CAMTA2: variants seen among roughly 807,000 people sequenced by gnomAD.
The protein encoded by CAMTA2 is calmodulin binding transcription activator 2.
Under a neutral mutation model 135.7 loss-of-function variants are expected in CAMTA2, and 56 were observed. That is an observed-to-expected ratio of 0.41 (90% CI 0.33 to 0.52). The LOEUF (loss-of-function observed/expected upper bound fraction) is 0.52, where lower values mean the gene tolerates loss of function less well. Among genes scored for constraint, CAMTA2 ranks in the 20% least tolerant of loss-of-function variants. The pLI is 0.16. For missense variants in CAMTA2, 1,358 were observed against 1,553.4 expected, an observed-to-expected ratio of 0.87 and a Z score of 2.11; for synonymous variants, 591 against 604.6, an observed-to-expected ratio of 0.98 and a Z score of 0.33.
At position 4,980,517 on chromosome 17, in the gene CAMTA2, G is replaced by C; in HGVS notation, c.805C>G (p.Pro269Ala). 6.2e-7 allele frequency: 1 copy of C among 1,612,436 alleles called. No individual in the cohort carries two copies. Among genetic ancestry groups the C allele is most frequent in the South Asian group, 1.1e-5 (1 of 91,042 alleles). Residue 269 changes from proline to alanine, a missense_variant, in exon 9 of 23, where the codon CCC becomes GCC. Physicochemically the swap from Pro to Ala is conservative, Grantham distance 27. Coordinates refer to ENST00000348066, the MANE Select transcript of CAMTA2 (RefSeq NM_015099.4). The surrounding 1 kb of genome is among the most constrained non-coding windows in gnomAD (Gnocchi z 5.3). ...LTLTSIPHAH[P>A]PEPPPLIAPL... ...GCTATCAGTGGAGGAGGCTCTGGGG[G>C]GTGAGCGTGGGGGATAGAGGTCAGG...
intron 13 of CAMTA2, 83 bp from the exon 14 acceptor site, chr17:4,973,336 G>A (rs943665768): frequency 7.8e-6 from 9 of 1,148,304 alleles, no homozygotes; most frequent in Non-Finnish European, 9.2e-6. Context: ...AAGGCACTAG[G>A]AGGCAAGCTG....
chr17:4,980,428 T>G lies in CAMTA2; in HGVS notation c.894A>C (p.Ser298=). The G allele has an allele frequency of 6.2e-7, 1 of 1,606,002 alleles. No individual in the cohort carries two copies. The highest frequency in any genetic ancestry group is 1.1e-5 in the South Asian group (1 of 90,900). Residue 298 remains serine, a synonymous_variant, in exon 9 of 23, where the codon TCA becomes TCC. Coordinates refer to ENST00000348066, the MANE Select transcript of CAMTA2 (RefSeq NM_015099.4). The surrounding 1 kb of genome is among the most constrained non-coding windows in gnomAD (Gnocchi z 5.3). ...TTTCTAGGGGCTCTGCAAAACCTGA[T>G]GAGGAGGAAGAAGAGGAAGAAGATG... ...TSPSSSSSSS[S]SGFAEPLEIR...
rs561936044 is a variant in CAMTA2, at chr17:4,984,617, A to C, written c.135+1263T>G. Among the ~76,000 whole-genome samples, 48 of 152,372 alleles carry C rather than the reference A, an allele frequency of 3.2e-4. No homozygotes were observed. The South Asian group carries it at 7.5e-3, about 24-fold the overall frequency. On this transcript the variant is annotated intron_variant, in intron 3 of 22. Coordinates refer to ENST00000348066, the MANE Select transcript of CAMTA2 (RefSeq NM_015099.4). ...AGTCCTCTTCTGACATCAAATTGAT[A>C]AATATCAACAACCAACTACATACAA... is the stretch of plus-strand genomic sequence containing the variant.
At position 4,980,714 on chromosome 17, in the gene CAMTA2, T is replaced by C. The variant is rs1355183435; in HGVS notation, c.701-93A>G. 8 of 983,296 alleles carry C rather than the reference T, an allele frequency of 8.1e-6. No individual in the cohort carries two copies. Among genetic ancestry groups the C allele is most frequent in the Non-Finnish European group, 1.3e-5 (8 of 629,710 alleles). 60.9% of individuals were successfully genotyped at this position (983,296 alleles called of 1,614,324 possible). ...GCCCTTAAAAGTATTTCCTGGGACG[T>C]CCCTATAAACCAGAGGTGTAATACT... On this transcript the variant is annotated intron_variant, in intron 8 of 22. Transcript: ENST00000348066. This position sits in a 1 kb window ranked among gnomAD's most constrained non-coding sequence, Gnocchi z 5.3.
rs1478240658 is a variant in CAMTA2, at chr17:4,968,064, A to T, written c.*692T>A. ...ATGCACAAGTAGAAAGTGCCCGTGG[A>T]GCCGGCAGGAGGCCCCCGCCGCGCT... On this transcript the variant is annotated 3_prime_UTR_variant, in exon 23 of 23. Coordinates refer to ENST00000348066, the MANE Select transcript of CAMTA2 (RefSeq NM_015099.4). 2 of 514,330 alleles carry T rather than the reference A, an allele frequency of 3.9e-6. No homozygotes were observed. The highest frequency in any genetic ancestry group is 3.8e-5 in the African/African-American group (2 of 51,954). 31.9% of individuals were successfully genotyped at this position (514,330 alleles called of 1,614,324 possible).
At chr17:4,975,856 G>A (rs1364216547) in intron 11 of CAMTA2, among the ~76,000 whole-genome samples, 1 of 143,706 alleles carries the variant, frequency 7.0e-6, no homozygotes, top group African/African-American at 2.6e-5. Flanking sequence ...AAGGCCACAA[G>A]AGAGAGAACC....
chr17:4,980,575 G>A lies in CAMTA2; in HGVS notation c.747C>T (p.Ile249=). The change falls in exon 9 of 23, where the codon ATC becomes ATT. Residue 249 remains isoleucine (I), a synonymous_variant. Coordinates refer to ENST00000348066, the MANE Select transcript of CAMTA2 (RefSeq NM_015099.4). This position sits in a 1 kb window ranked among gnomAD's most constrained non-coding sequence, Gnocchi z 5.3. The stretch of plus-strand genomic sequence containing the variant: ...CTCGGGGCTCCACTTTGGGAGAGAT[G>A]ATGCGGTGTTTCGTGCTGCTGCATT... ...THKCSSTKHR[I]ISPKVEPRAL... is the part of the protein sequence containing the mutation. The A allele has an allele frequency of 6.2e-7, 1 of 1,614,036 alleles. No homozygotes were observed. Among genetic ancestry groups the A allele is most frequent in the Non-Finnish European group, 8.5e-7 (1 of 1,179,982 alleles).
rs1000008477 is a variant in CAMTA2, at chr17:4,982,968, T to G, written c.203+8A>C. The G allele has an allele frequency of 6.2e-7, 1 of 1,614,164 alleles. No individual in the cohort carries two copies. The highest frequency in any genetic ancestry group is 8.5e-7 in the Non-Finnish European group (1 of 1,180,018). On this transcript the variant is annotated splice_region_variant and intron_variant, in intron 4 of 22. Coordinates refer to ENST00000348066, the MANE Select transcript of CAMTA2 (RefSeq NM_015099.4). ...CTGCCACTCCCCCATGTTCTCAAAC[T>G]TTCTCACCTTGTCTTTGGGGCACAA...
rs1973277051 is a variant in CAMTA2, at chr17:4,986,239, G to A, written c.-17C>T. The A allele has an allele frequency of 6.2e-7, 1 of 1,608,006 alleles. No individual in the cohort carries two copies. Among genetic ancestry groups the A allele is most frequent in the South Asian group, 1.1e-5 (1 of 90,928 alleles). ...GGTATTCATGGTGAGGGCTCCAGGG[G>A]GCAAGGTCACCCCCGGCCTGAGGGG... On this transcript the variant is annotated 5_prime_UTR_variant, in exon 2 of 23. Coordinates refer to ENST00000348066, the MANE Select transcript of CAMTA2 (RefSeq NM_015099.4).
intron 1 of CAMTA2, chr17:4,986,805 C>T (rs1973358614): frequency 7.7e-6 from 5 of 649,162 alleles, no homozygotes; most frequent in Admixed American, 2.6e-5. Context: ...CCTATTCTCT[C>T]CTCCAGGTTG....
Position 4,973,745 on chromosome 17 carries a change from C to T in CAMTA2, c.2041G>A (p.Glu681Lys), listed in dbSNP as rs1263808467. The change falls in exon 13 of 23, where the codon GAA becomes AAA. Residue 681 changes from glutamate to lysine, a missense_variant. Transcript: ENST00000348066. Reference sequence around the variant, plus strand: ...TCTACCAAGACCACTACCCGTGCTTCGAACCCAGGCCCCTGGCCTTCATCC... The same window carrying T: ...TCTACCAAGACCACTACCCGTGCTTTGAACCCAGGCCCCTGGCCTTCATCC... ...VQDEGQGPGFEARVVVLVESM... is the reference protein window; with the variant it reads ...VQDEGQGPGFKARVVVLVESM... 6.8e-6 allele frequency: 11 copies of T among 1,611,402 alleles called. No individual in the cohort carries two copies. Among genetic ancestry groups the T allele is most frequent in the Admixed American group, 1.7e-5 (1 of 59,802 alleles).
chr17:4,976,536 C>T (rs566249645), intron 11 of CAMTA2, among the ~76,000 whole-genome samples: 3 of 152,044 alleles, frequency 2.0e-5, no homozygotes, highest in African/African-American at 7.2e-5. Context: ...CTCATCTCTA[C>T]TAAAATCACA....
Position 4,980,554 on chromosome 17 carries a change from G to A in CAMTA2, c.768C>T (p.Pro256=). Residue 256 remains proline, a synonymous_variant, in exon 9 of 23, where the codon CCC becomes CCT. Coordinates refer to ENST00000348066, the MANE Select transcript of CAMTA2 (RefSeq NM_015099.4). The surrounding 1 kb of genome is among the most constrained non-coding windows in gnomAD (Gnocchi z 5.3). ...KHRIISPKVE[P]RALTLTSIPH... The stretch of plus-strand genomic sequence containing the variant: ...GGATAGAGGTCAGGGTTAAAGCTCG[G>A]GGCTCCACTTTGGGAGAGATGATGC... The A allele has an allele frequency of 6.2e-7, 1 of 1,614,000 alleles. No individual in the cohort carries two copies. Among genetic ancestry groups the A allele is most frequent in the East Asian group, 2.2e-5 (1 of 44,878 alleles).
intron 13 of CAMTA2, 123 bp downstream of exon 13, chr17:4,973,462 C>G: frequency 9.5e-7 from 1 of 1,051,302 alleles, no homozygotes; most frequent in Non-Finnish European, 1.4e-6. Context: ...TCCCAACCCC[C>G]TCCCTTCCCA....
rs770198721 is a variant in CAMTA2 at position 4,974,480 on chromosome 17, T to G, written c.1921A>C (p.Ile641Leu). Residue 641 changes from isoleucine (I) to leucine (L), a missense_variant, in exon 12 of 23, where the codon ATA becomes CTA. Physicochemically the swap from Ile to Leu is conservative, Grantham distance 5 (BLOSUM62 2). Around this residue, in one of 4 missense-constraint regions of CAMTA2, gnomAD observed 1,077 missense variants for 1,127.5 expected, o/e 0.96. Coordinates refer to ENST00000348066, the MANE Select transcript of CAMTA2 (RefSeq NM_015099.4). The stretch of plus-strand genomic sequence containing the variant: ...TCCATCTGCTCCAGTCGCTCTAGTA[T>G]GGACATCCGGAACTGGTTGTCTGAG... The part of the protein sequence containing the change: ...SLDDNQFRMS[I>L]LERLEQMEKR... 1 of 1,613,764 alleles carries G rather than the reference T, an allele frequency of 6.2e-7. No homozygotes were observed. The highest frequency in any genetic ancestry group is 8.5e-7 in the Non-Finnish European group (1 of 1,179,690).
intron 16 of CAMTA2, 58 bp downstream of exon 16, chr17:4,972,174 G>T (rs775989350): frequency 3.6e-6 from 5 of 1,407,786 alleles, no homozygotes; most frequent in Admixed American, 2.0e-5. Context: ...CATGGAAGTC[G>T]GCCTCACCCT....
chr17:4,981,665 C>T lies in CAMTA2; in HGVS notation c.565+13G>A, dbSNP rs769094433. On this transcript the variant is annotated intron_variant, in intron 7 of 22. Coordinates refer to ENST00000348066, the MANE Select transcript of CAMTA2 (RefSeq NM_015099.4). Reference sequence around the variant, plus strand: ...TCTCCCCTTGGAGCTCTATCCCCACCCTGCTGCCTTACACATGGGCTTCAG... The same window carrying T: ...TCTCCCCTTGGAGCTCTATCCCCACTCTGCTGCCTTACACATGGGCTTCAG... The T allele has an allele frequency of 1.3e-6, 2 of 1,583,136 alleles. No individual in the cohort carries two copies. Among genetic ancestry groups the T allele is most frequent in the Non-Finnish European group, 1.7e-6 (2 of 1,162,154 alleles).
At position 4,980,542 on chromosome 17, in the gene CAMTA2, G is replaced by A. The variant is rs763557653; in HGVS notation, c.780C>T (p.Thr260=). 6.2e-7 allele frequency: 1 copy of A among 1,613,806 alleles called. No homozygotes were observed. Among genetic ancestry groups the A allele is most frequent in the Non-Finnish European group, 8.5e-7 (1 of 1,179,834 alleles). ...ISPKVEPRAL[T]LTSIPHAHPP... ...GGTGAGCGTGGGGGATAGAGGTCAG[G>A]GTTAAAGCTCGGGGCTCCACTTTGG... Residue 260 remains threonine (T), a synonymous_variant, in exon 9 of 23, where the codon ACC becomes ACT. Transcript: ENST00000348066. This position sits in a 1 kb window ranked among gnomAD's most constrained non-coding sequence, Gnocchi z 5.3.
chr17:4,983,136 G>T, intron 3 of CAMTA2, 93 bp from the exon 4 acceptor site: 1 of 1,080,230 alleles, frequency 9.3e-7, no homozygotes, highest in Non-Finnish European at 1.4e-6. Context: ...ACTCTCTGCT[G>T]AGTTCTGGCA....
Sources: gnomAD v4.1 joint callset for allele counts (sites outside exome capture counted in the v4.1 genomes callset) on GRCh38, gnomAD v4.1.1 for gene constraint, gnomAD v4.1.1 regional missense constraint, Gnocchi (gnomAD v3.1) non-coding constraint, MANE v1.5 for transcripts, NCBI Gene and HGNC (gene_info 2026-07-23, HGNC 2026-07-21) for gene names.